FHIT: variants seen among roughly 807,000 people sequenced by gnomAD.
FHIT encodes fragile histidine triad diadenosine triphosphatase.
FHIT carries 19 observed loss-of-function variants against 17.9 expected under a neutral mutation model. That is an observed-to-expected ratio of 1.06 (90% CI 0.74 to 1.56). The LOEUF is 1.56. Among genes scored for constraint, FHIT ranks in the 40% most tolerant of loss-of-function variants. The pLI is 0.00. For synonymous variants in FHIT, 81 were observed against 69.7 expected, an observed-to-expected ratio of 1.16 and a Z score of -0.81; for missense variants, 248 against 189.2, an observed-to-expected ratio of 1.31 and a Z score of -1.82.
At chr3:60,304,558 A>G (rs1366699135) in intron 5 of FHIT, among the ~76,000 whole-genome samples, 1 of 152,224 alleles carries the variant, frequency 6.6e-6, no homozygotes, top group Non-Finnish European at 1.5e-5. Context: ...ATGCTTACAA[A>G]AAGCACTTAT....
At chr3:59,934,942 A>G (rs1265869263) in intron 7 of FHIT, among the ~76,000 whole-genome samples, 1 of 152,166 alleles carries the variant, frequency 6.6e-6, no homozygotes, top group Non-Finnish European at 1.5e-5. Context: ...CCATGTCAGT[A>G]GAATTTATAA....
At chr3:61,172,903 T>G (rs2038048461) in intron 2 of FHIT, among the ~76,000 whole-genome samples, 1 of 152,108 alleles carries the variant, frequency 6.6e-6, no homozygotes, top group Admixed American at 6.5e-5. Context: ...GGGGTCAGAA[T>G]GGCCAGCAGG....
At chr3:60,231,506 T>G (rs939757936) in intron 5 of FHIT, among the ~76,000 whole-genome samples, 2 of 152,192 alleles carry the variant, frequency 1.3e-5, no homozygotes, top group African/African-American at 4.8e-5. Context: ...TTTGACAGTT[T>G]CCACATCTTA....
intron 3 of FHIT, among the ~76,000 whole-genome samples, chr3:60,979,818 G>C (rs987636536): frequency 3.9e-5 from 6 of 152,148 alleles, no homozygotes; most frequent in Non-Finnish European, 8.8e-5. Flanking sequence ...GCAGAAGAGG[G>C]GCCTCCTTCC....
chr3:59,927,611 C>T (rs1359073942), intron 7 of FHIT, among the ~76,000 whole-genome samples: 1 of 151,966 alleles, frequency 6.6e-6, no homozygotes, highest in Non-Finnish European at 1.5e-5. Context: ...ACTAAAAATA[C>T]ACAAAAAGTT....
chr3:60,762,907 G>A (rs1329496065), intron 4 of FHIT, among the ~76,000 whole-genome samples: 1 of 152,134 alleles, frequency 6.6e-6, no homozygotes, highest in Admixed American at 6.5e-5. Flanking sequence ...ATTTTGGACT[G>A]AGATCTCAGC....
intron 7 of FHIT, among the ~76,000 whole-genome samples, chr3:59,994,508 C>T (rs138314524): frequency 2.0e-5 from 3 of 152,214 alleles, no homozygotes; most frequent in African/African-American, 7.2e-5. Context: ...TAGGAACAAA[C>T]TCTTCTTGCA....
At chr3:60,961,689 CT>C (rs1312169303) in intron 3 of FHIT, among the ~76,000 whole-genome samples, 1 of 152,116 alleles carries the variant, frequency 6.6e-6, no homozygotes, top group African/African-American at 2.4e-5. Flanking sequence ...ATAGGAAATC[CT>C]TTCCCCATTT....
chr3:60,154,842 G>T (rs935857575), intron 5 of FHIT, among the ~76,000 whole-genome samples: 14 of 152,128 alleles, frequency 9.2e-5, no homozygotes, highest in African/African-American at 3.4e-4. Flanking sequence ...AAGAAAAGCA[G>T]AAATATCATA....
At chr3:60,116,560 T>C (rs1398199592) in intron 5 of FHIT, among the ~76,000 whole-genome samples, 1 of 152,192 alleles carries the variant, frequency 6.6e-6, no homozygotes. Context: ...TGAACAATTC[T>C]GAAAAAGAAT....
At chr3:60,226,899 CATCT>C (rs59263233) in intron 5 of FHIT, among the ~76,000 whole-genome samples, 44,880 of 151,912 alleles carry the variant, frequency 0.3, 6,841 homozygotes, top group African/African-American at 0.35. Flanking sequence ...CTGGCTAGAA[CATCT>C]ATCTACCTAA....
chr3:60,280,461 G>A (rs1415347669), intron 5 of FHIT, among the ~76,000 whole-genome samples: 1 of 152,052 alleles, frequency 6.6e-6, no homozygotes, highest in Non-Finnish European at 1.5e-5. Flanking sequence ...TATCTGAGTG[G>A]GCCTTAATGC....
intron 3 of FHIT, among the ~76,000 whole-genome samples, chr3:60,832,649 C>A (rs1702371038): frequency 1.3e-5 from 2 of 151,618 alleles, no homozygotes; most frequent in African/African-American, 4.8e-5. Context: ...GCTAATCACT[C>A]CCTTTGTGTT....
At chr3:59,761,265 A>G (rs530622236) in intron 8 of FHIT, among the ~76,000 whole-genome samples, 9 of 152,276 alleles carry the variant, frequency 5.9e-5, no homozygotes, top group African/African-American at 1.9e-4. Context: ...AAACAATATC[A>G]AACTTGGTAA....
intron 5 of FHIT, among the ~76,000 whole-genome samples, chr3:60,192,320 A>C (rs1702438668): frequency 6.6e-6 from 1 of 151,742 alleles, no homozygotes. Context: ...AGGTAAACTG[A>C]GGGCTGCTGA....
chr3:60,475,227 TC>T (rs767054201), intron 5 of FHIT, among the ~76,000 whole-genome samples: 23 of 152,288 alleles, frequency 1.5e-4, no homozygotes, highest in Non-Finnish European at 2.4e-4. Flanking sequence ...AAAGTAGGTA[TC>T]TTGAGATGTC....
At chr3:60,586,340 G>A (rs7651468) in intron 4 of FHIT, among the ~76,000 whole-genome samples, 14,451 of 152,002 alleles carry the variant, frequency 0.095, 738 homozygotes, top group Middle Eastern at 0.19. Context: ...ATAGACAGAT[G>A]TGCTCTTATC....
intron 5 of FHIT, among the ~76,000 whole-genome samples, chr3:60,508,473 T>A (rs2034822787): frequency 6.6e-6 from 1 of 152,180 alleles, no homozygotes; most frequent in Admixed American, 6.5e-5. Flanking sequence ...AATAATGGTG[T>A]GAGCATAAAT....
chr3:60,229,619 G>A (rs1283143452), intron 5 of FHIT, among the ~76,000 whole-genome samples: 1 of 152,078 alleles, frequency 6.6e-6, no homozygotes, highest in Non-Finnish European at 1.5e-5. Context: ...TTTCCTATCA[G>A]GGAAAATCCA....
Sources: allele counts gnomAD v4.1 joint callset (sites outside exome capture counted in the v4.1 genomes callset), GRCh38; gene constraint gnomAD v4.1.1; transcripts MANE v1.5; gene names NCBI Gene and HGNC (gene_info 2026-07-23, HGNC 2026-07-21).